The following LRIG1 variants were observed in gnomAD, a reference collection of about 807,000 sequenced individuals.
The protein encoded by LRIG1 is leucine rich repeats and immunoglobulin like domains 1.
In LRIG1, 48 loss-of-function variants were observed where a neutral mutation model predicts 99.2. The observed-to-expected ratio is 0.48, with a 90% CI of 0.38 to 0.62. The LOEUF is 0.62. LRIG1 is among the 20% of genes least tolerant of loss of function. The pLI, the probability that LRIG1 is intolerant of heterozygous loss-of-function variation, is 0.00. For synonymous variants in LRIG1, 772 were observed against 596.1 expected (o/e 1.29, Z -4.30); for missense variants, 1,646 against 1,434.4 (o/e 1.15, Z -2.38).
chr3:66,421,099 C>A (rs56124303), intron 3 of LRIG1, among the ~76,000 whole-genome samples: 6 of 151,980 alleles, frequency 3.9e-5, no homozygotes, highest in Non-Finnish European at 7.4e-5. Flanking sequence ...TCAATCACCT[C>A]CCACTGGGAC....
intron 3 of LRIG1, among the ~76,000 whole-genome samples, chr3:66,433,275 C>A (rs996127040): frequency 2.0e-5 from 3 of 152,256 alleles, no homozygotes; most frequent in Non-Finnish European, 4.4e-5. Context: ...TAGGTATCCT[C>A]TGACTCCAGG....
chr3:66,427,025 A>C (rs1703005835), intron 3 of LRIG1, among the ~76,000 whole-genome samples: 1 of 152,170 alleles, frequency 6.6e-6, no homozygotes, highest in South Asian at 2.1e-4. Context: ...CTTCGCCTGA[A>C]CCTCCGGTTA....
intron 9 of LRIG1, among the ~76,000 whole-genome samples, chr3:66,400,121 C>G (rs1471811506): frequency 1.3e-5 from 2 of 152,228 alleles, no homozygotes; most frequent in Non-Finnish European, 2.9e-5. Flanking sequence ...TGCCTCCAGG[C>G]AACTCTGATC....
chr3:66,417,789 A>G (rs1423771536), intron 3 of LRIG1, among the ~76,000 whole-genome samples: 2 of 143,364 alleles, frequency 1.4e-5, no homozygotes, highest in African/African-American at 5.1e-5. Context: ...TTAAACAAAA[A>G]GAAAAAGAAA....
rs566605111 is a variant in LRIG1 at position 66,406,456 on chromosome 3, G to A, written c.1079+892C>T. The A allele has an allele frequency of 3.2e-5, 31 of 982,406 alleles. No homozygotes were observed. In the South Asian group the frequency reaches 3.8e-4, roughly 12 times the overall value. The allele number at this position is 982,406 out of a possible 1,614,324, so 60.9% of individuals were successfully genotyped here. On this transcript the variant is annotated intron_variant, in intron 8 of 18. Coordinates refer to ENST00000273261, the MANE Select transcript of LRIG1 (RefSeq NM_015541.3). ...GACCTGGCCTGAATAGCTTGGCTCC[G>A]GCCTCTTTCACACTCCCTGGCAATG...
chr3:66,431,016 A>G (rs1344173389), intron 3 of LRIG1, among the ~76,000 whole-genome samples: 5 of 151,470 alleles, frequency 3.3e-5, no homozygotes, highest in Non-Finnish European at 5.9e-5. Context: ...CCCCGCCACA[A>G]GCTCTCAGCC....
rs138899340 is a variant in LRIG1 at position 66,477,531 on chromosome 3, G to A, written c.219-15022C>T. ...ATGCCAAGGCACAATGGAGCAGTAGGTAGGGCTGGAATAACCTCATCCAAG... is the reference window on the plus strand; with the variant it reads ...ATGCCAAGGCACAATGGAGCAGTAGATAGGGCTGGAATAACCTCATCCAAG... On this transcript the variant is annotated intron_variant, in intron 1 of 18. Coordinates refer to ENST00000273261, the MANE Select transcript of LRIG1 (RefSeq NM_015541.3). Among the ~76,000 whole-genome samples, 979 of 152,294 alleles carry A rather than the reference G, an allele frequency of 6.4e-3. 8 individuals are homozygous for A. Among genetic ancestry groups the A allele is most frequent in the Middle Eastern group, 0.027 (8 of 294 alleles).
chr3:66,473,833 G>A (rs746184937), intron 1 of LRIG1, among the ~76,000 whole-genome samples: 1 of 152,174 alleles, frequency 6.6e-6, no homozygotes, highest in African/African-American at 2.4e-5. Flanking sequence ...CTAGCTTATC[G>A]ACTTGGGATC....
chr3:66,454,821 AG>A (rs1185012081), intron 2 of LRIG1, among the ~76,000 whole-genome samples: 1 of 152,224 alleles, frequency 6.6e-6, no homozygotes, highest in Non-Finnish European at 1.5e-5. Context: ...AATTGACTTA[AG>A]GGAAGTTTTA....
intron 1 of LRIG1, among the ~76,000 whole-genome samples, chr3:66,496,186 C>A (rs1559829134): frequency 1.3e-5 from 2 of 152,102 alleles, no homozygotes; most frequent in Non-Finnish European, 2.9e-5. Flanking sequence ...TGCAAAGAGA[C>A]AATACACTAC....
intron 1 of LRIG1, among the ~76,000 whole-genome samples, chr3:66,484,612 A>T (rs1163601490): frequency 6.6e-6 from 1 of 152,132 alleles, no homozygotes; most frequent in Non-Finnish European, 1.5e-5. Context: ...GGTGGTATTT[A>T]AAAAGTCTTT....
At chr3:66,386,329 C>T (rs369314607) in intron 12 of LRIG1, 28 bp from the exon 13 acceptor site, 42 of 1,595,128 alleles carry the variant, frequency 2.6e-5, no homozygotes, top group African/African-American at 1.9e-4. Context: ...AACTGTAAAG[C>T]GCTGGGTTCT....
chr3:66,417,979 C>G (rs191531106), intron 3 of LRIG1, among the ~76,000 whole-genome samples: 3 of 152,042 alleles, frequency 2.0e-5, no homozygotes, highest in Non-Finnish European at 4.4e-5. Context: ...GGGATAGGGA[C>G]GATCCAGCCT....
intron 12 of LRIG1, among the ~76,000 whole-genome samples, chr3:66,391,055 A>T (rs1368089725): frequency 6.6e-6 from 1 of 152,206 alleles, no homozygotes; most frequent in Non-Finnish European, 1.5e-5. Flanking sequence ...TAAGCAGGTG[A>T]AAACATGCCT....
rs1701327954 is a variant in LRIG1, at chr3:66,500,295, C to T, written c.113G>A (p.Arg38Gln). ...AGTGCAGGCGGCCGCGCAGGGCGCC[C>T]GCGGGCCGGCCGCGGCGGTCACCGG... ...LEPVTAAAGP[R>Q]APCAAACTCA... Residue 38 changes from arginine (R) to glutamine (Q), a missense_variant, in exon 1 of 19, where the codon CGG (arginine) becomes CAG (glutamine). Coordinates refer to ENST00000273261, the MANE Select transcript of LRIG1 (RefSeq NM_015541.3). The T allele has an allele frequency of 1.4e-6, 2 of 1,473,310 alleles. No individual in the cohort carries two copies. Among genetic ancestry groups the T allele is most frequent in the Non-Finnish European group, 8.9e-7 (1 of 1,117,466 alleles). The allele number at this position is 1,473,310 out of a possible 1,614,324, so 91.3% of individuals were successfully genotyped here.
intron 11 of LRIG1, among the ~76,000 whole-genome samples, chr3:66,395,317 C>A (rs1312614420): frequency 6.6e-6 from 1 of 152,172 alleles, no homozygotes; most frequent in African/African-American, 2.4e-5. Flanking sequence ...CCTCAGACAT[C>A]AACAAAGCAA....
intron 1 of LRIG1, among the ~76,000 whole-genome samples, chr3:66,490,682 T>C (rs1701082689): frequency 6.6e-6 from 1 of 152,172 alleles, no homozygotes; most frequent in African/African-American, 2.4e-5. Context: ...CTTCCACTTT[T>C]CTAAACAGAG....
rs200902674 is a variant in LRIG1 at position 66,383,964 on chromosome 3, A to T, written c.2071+27T>A. On this transcript the variant is annotated intron_variant, in intron 14 of 18. Transcript: ENST00000273261. ...CTCTCTCGCTCACACACACACACACACACACACAGTAGAGCAATAGGCAAA... is the reference window on the plus strand; with the variant it reads ...CTCTCTCGCTCACACACACACACACTCACACACAGTAGAGCAATAGGCAAA... 2.0e-5 allele frequency: 32 copies of T among 1,607,170 alleles called. No individual in the cohort carries two copies. In the East Asian group the frequency reaches 5.6e-4, roughly 28 times the overall value.
intron 1 of LRIG1, among the ~76,000 whole-genome samples, chr3:66,471,142 T>C (rs1158157142): frequency 6.6e-6 from 1 of 152,128 alleles, no homozygotes; most frequent in Non-Finnish European, 1.5e-5. Flanking sequence ...AATATCACCA[T>C]GGCCACCCCA....
Sources: gnomAD v4.1 joint callset for allele counts (sites outside exome capture counted in the v4.1 genomes callset) on GRCh38, gnomAD v4.1.1 for gene constraint, MANE v1.5 for transcripts, NCBI Gene and HGNC (gene_info 2026-07-23, HGNC 2026-07-21) for gene names.